LSAMP: variants seen among roughly 807,000 people sequenced by gnomAD.
The protein encoded by LSAMP is limbic system associated membrane protein.
Under a neutral mutation model 38.6 loss-of-function variants are expected in LSAMP, and 7 were observed. The ratio of observed to expected loss-of-function variants is 0.18; its 90% confidence interval spans 0.10 to 0.34. LSAMP has a LOEUF of 0.34. LSAMP is among the 10% of genes least tolerant of loss of function. The pLI is 1.00. For missense variants in LSAMP, 313 were observed against 420.0 expected (o/e 0.75, Z 2.23); for synonymous variants, 154 against 166.8 (o/e 0.92, Z 0.59).
At chr3:115,861,118 C>T (rs1935670807) in intron 3 of LSAMP, among the ~76,000 whole-genome samples, 3 of 88,574 alleles carry the variant, frequency 3.4e-5, no homozygotes, top group Non-Finnish European at 4.7e-5. Context: ...CCCCTCCCTC[C>T]TTCCTTCTTT....
chr3:115,992,523 T>G (rs1197450528), intron 3 of LSAMP, among the ~76,000 whole-genome samples: 2 of 152,066 alleles, frequency 1.3e-5, no homozygotes, highest in African/African-American at 2.4e-5. Flanking sequence ...ATGATACCAC[T>G]GAGTAGATTT....
chr3:116,129,054 CAA>C (rs1709068851), intron 1 of LSAMP, among the ~76,000 whole-genome samples: 1 of 152,050 alleles, frequency 6.6e-6, no homozygotes, highest in African/African-American at 2.4e-5. Context: ...CATGGTATGA[CAA>C]GAGTATGTAG....
chr3:116,133,593 A>T (rs1190396115), intron 1 of LSAMP, among the ~76,000 whole-genome samples: 1 of 152,198 alleles, frequency 6.6e-6, no homozygotes, highest in East Asian at 1.9e-4. Context: ...GATTACAGGC[A>T]TTAGCCACAG....
At chr3:116,056,120 T>C (rs1941486643) in intron 2 of LSAMP, among the ~76,000 whole-genome samples, 1 of 152,226 alleles carries the variant, frequency 6.6e-6, no homozygotes, top group Admixed American at 6.5e-5. Flanking sequence ...TTAATTTTAT[T>C]TATTCATGTA....
intron 1 of LSAMP, among the ~76,000 whole-genome samples, chr3:116,228,489 G>A (rs1559791513): frequency 2.0e-5 from 3 of 152,020 alleles, no homozygotes; most frequent in East Asian, 1.9e-4. Flanking sequence ...TATGTAAAAT[G>A]AGGGTATACG....
At chr3:116,144,561 A>C (rs975981170) in intron 1 of LSAMP, among the ~76,000 whole-genome samples, 2 of 27,352 alleles carry the variant, frequency 7.3e-5, no homozygotes, top group Non-Finnish European at 1.7e-4. Context: ...TCATCACCTT[A>C]CTTTTTTTTT....
chr3:116,205,206 C>G (rs1317376557), intron 1 of LSAMP, among the ~76,000 whole-genome samples: 2 of 148,968 alleles, frequency 1.3e-5, no homozygotes, highest in African/African-American at 4.9e-5. Flanking sequence ...CTCTGTTTGT[C>G]TGTTGTTGGT....
chr3:116,278,666 A>T (rs2047085064), intron 1 of LSAMP, among the ~76,000 whole-genome samples: 1 of 152,190 alleles, frequency 6.6e-6, no homozygotes. Flanking sequence ...TGTGTCATGA[A>T]AATATCTAGT....
chr3:115,899,052 G>C (rs145731230), intron 3 of LSAMP, among the ~76,000 whole-genome samples: 1 of 152,210 alleles, frequency 6.6e-6, no homozygotes, highest in East Asian at 1.9e-4. Flanking sequence ...ACTCAAAGGA[G>C]AGAATTGTGC....
Position 116,208,984 on chromosome 3 carries a change from C to T in LSAMP, c.156-122428G>A, listed in dbSNP as rs542461555. Among the ~76,000 whole-genome samples the T allele has an allele frequency of 4.4e-3, 667 of 152,324 alleles. 7 individuals carry two copies. The highest frequency in any genetic ancestry group is 0.015 in the African/African-American group (621 of 41,564). ...CTAAGCAAGCCTGGGCAATGGCAGGCGCCCCTCCCGGAGCCTCGCTGCCGC... is the reference window on the plus strand; with the variant it reads ...CTAAGCAAGCCTGGGCAATGGCAGGTGCCCCTCCCGGAGCCTCGCTGCCGC... On this transcript the variant is annotated intron_variant, in intron 1 of 6. Transcript: ENST00000490035.
At chr3:115,881,235 A>C (rs1191023692) in intron 3 of LSAMP, among the ~76,000 whole-genome samples, 1 of 152,034 alleles carries the variant, frequency 6.6e-6, no homozygotes, top group African/African-American at 2.4e-5. Flanking sequence ...GTTCATGAAA[A>C]GTGTTATGCA....
chr3:115,980,482 A>C (rs901669433), intron 3 of LSAMP, among the ~76,000 whole-genome samples: 2 of 152,168 alleles, frequency 1.3e-5, no homozygotes, highest in Non-Finnish European at 2.9e-5. Context: ...GAAAGAAAAT[A>C]GTCTTAACTT....
At position 116,078,557 on chromosome 3, in the gene LSAMP, A is replaced by G. The variant is rs572200348; in HGVS notation, c.388+7767T>C. On this transcript the variant is annotated intron_variant, in intron 2 of 6. Coordinates refer to ENST00000490035, the MANE Select transcript of LSAMP (RefSeq NM_002338.5). ...TAGCCAGGATGGTCTTGATCTCCTG[A>G]CCTTGTGATCCACCCGCCTCGGCCT... is the stretch of plus-strand genomic sequence containing the variant. 3.0e-3 allele frequency among the ~76,000 whole-genome samples: 451 copies of G among 152,174 alleles called. 2 individuals are homozygous for G. Among genetic ancestry groups the G allele is most frequent in the Non-Finnish European group, 4.7e-3 (318 of 67,994 alleles).
chr3:116,397,382 A>ACC (rs1559853692), intron 1 of LSAMP, among the ~76,000 whole-genome samples: 1 of 64,348 alleles, frequency 1.6e-5, no homozygotes, highest in Non-Finnish European at 2.8e-5. Flanking sequence ...TATTTAAAAT[A>ACC]CCCGCCCCCC....
At chr3:116,144,677 T>C (rs1279271799) in intron 1 of LSAMP, among the ~76,000 whole-genome samples, 1 of 151,830 alleles carries the variant, frequency 6.6e-6, no homozygotes, top group Non-Finnish European at 1.5e-5. Flanking sequence ...TGTATTTGGA[T>C]ATAATTTAAA....
intron 1 of LSAMP, among the ~76,000 whole-genome samples, chr3:116,294,261 T>C (rs998774910): frequency 6.6e-6 from 1 of 152,176 alleles, no homozygotes; most frequent in East Asian, 1.9e-4. Flanking sequence ...AATGGTTGAA[T>C]TTCATAAAAT....
At chr3:116,071,059 A>G (rs1299424847) in intron 2 of LSAMP, among the ~76,000 whole-genome samples, 2 of 145,618 alleles carry the variant, frequency 1.4e-5, no homozygotes, top group African/African-American at 5.0e-5. Flanking sequence ...TAAATAATAA[A>G]TAAATAAATA....
chr3:116,426,505 G>A (rs2049198862), intron 1 of LSAMP, among the ~76,000 whole-genome samples: 1 of 150,142 alleles, frequency 6.7e-6, no homozygotes, highest in African/African-American at 2.4e-5. Context: ...TGAAAAGACC[G>A]AGGTTGGTAA....
chr3:116,418,269 T>A (rs977781204), intron 1 of LSAMP, among the ~76,000 whole-genome samples: 1 of 152,206 alleles, frequency 6.6e-6, no homozygotes, highest in African/African-American at 2.4e-5. Flanking sequence ...CTTATCTCAG[T>A]TGGCCAGCAA....
Sources: allele counts gnomAD v4.1 joint callset (sites outside exome capture counted in the v4.1 genomes callset), GRCh38; gene constraint gnomAD v4.1.1; transcripts MANE v1.5; gene names NCBI Gene and HGNC (gene_info 2026-07-23, HGNC 2026-07-21).